AS3MT: variants seen among roughly 807,000 people sequenced by gnomAD.
The protein encoded by AS3MT is arsenite methyltransferase.
In AS3MT, 47 loss-of-function variants were observed where a neutral mutation model predicts 45.3. The ratio of observed to expected loss-of-function variants is 1.04; its 90% CI spans 0.82 to 1.32. The LOEUF (loss-of-function observed/expected upper bound fraction) is 1.32. AS3MT is among the 40% of genes most tolerant of loss of function. The pLI is 0.00. For missense variants in AS3MT, 396 were observed against 451.1 expected, an observed-to-expected ratio of 0.88 and a Z score of 1.11; for synonymous variants, 141 against 152.8, an observed-to-expected ratio of 0.92 and a Z score of 0.57.
chr10:102,873,860 A>G (rs1387385732), intron 5 of AS3MT, among the ~76,000 whole-genome samples: 2 of 152,228 alleles, frequency 1.3e-5, no homozygotes, highest in African/African-American at 4.8e-5. Context: ...GGTAAATTAT[A>G]GGATTCTATT....
At chr10:102,880,532 T>G (rs1046108503) in intron 9 of AS3MT, among the ~76,000 whole-genome samples, 2 of 152,170 alleles carry the variant, frequency 1.3e-5, no homozygotes, top group African/African-American at 4.8e-5. Flanking sequence ...AATTTCAACA[T>G]TAGAATTCTT....
intron 6 of AS3MT, among the ~76,000 whole-genome samples, 160 bp from the exon 7 acceptor site, chr10:102,876,794 A>G (rs1844790914): frequency 6.6e-6 from 1 of 152,208 alleles, no homozygotes. Flanking sequence ...TTGACTATTG[A>G]TTGTAACTAA....
At chr10:102,877,865 G>A (rs1005026087) in intron 7 of AS3MT, among the ~76,000 whole-genome samples, 10 of 146,126 alleles carry the variant, frequency 6.8e-5, no homozygotes, top group African/African-American at 2.5e-4. Flanking sequence ...TGATTCTCCT[G>A]CCTCAGCCTC....
chr10:102,882,782 G>C (rs1844885148), intron 9 of AS3MT, among the ~76,000 whole-genome samples: 1 of 151,816 alleles, frequency 6.6e-6, no homozygotes, highest in African/African-American at 2.4e-5. Context: ...TTAGAGACAG[G>C]GTTTCACCAT....
intron 9 of AS3MT, among the ~76,000 whole-genome samples, chr10:102,884,074 G>T (rs906119289): frequency 1.3e-4 from 19 of 150,688 alleles, no homozygotes; most frequent in African/African-American, 4.6e-4. Context: ...CACCTCTCAG[G>T]TTCAAGCGAT....
chr10:102,895,278 G>C (rs1409912129), intron 10 of AS3MT, among the ~76,000 whole-genome samples: 6 of 151,196 alleles, frequency 4.0e-5, no homozygotes, highest in African/African-American at 1.5e-4. Flanking sequence ...GCTCACTGCA[G>C]CCTCTGCCTC....
chr10:102,872,618 A>C lies in AS3MT; in HGVS notation c.321+20A>C. ...GGCCAGGTGAGGCATGATTTGGAAGACAAGGAGAAAAAGATTCTCAAAAGC... is the reference window on the plus strand; with the variant it reads ...GGCCAGGTGAGGCATGATTTGGAAGCCAAGGAGAAAAAGATTCTCAAAAGC... On this transcript the variant is annotated intron_variant, in intron 4 of 10. Transcript: ENST00000369880. 6.3e-7 allele frequency: 1 copy of C among 1,575,484 alleles called. No homozygotes were observed. Among genetic ancestry groups the C allele is most frequent in the East Asian group, 2.2e-5 (1 of 44,452 alleles).
At chr10:102,882,629 G>A (rs1293433864) in intron 9 of AS3MT, among the ~76,000 whole-genome samples, 1 of 151,830 alleles carries the variant, frequency 6.6e-6, no homozygotes, top group Non-Finnish European at 1.5e-5. Flanking sequence ...TTGCTCTGTT[G>A]CCTAGGCTGG....
chr10:102,877,748 CTTTTTTTTTT>C (rs751685577), intron 7 of AS3MT, among the ~76,000 whole-genome samples: 1 of 105,194 alleles, frequency 9.5e-6, no homozygotes, highest in Non-Finnish European at 1.9e-5. Flanking sequence ...GTGATAACTT[CTTTTTTTTTT>C]TTTTTTTTTT....
chr10:102,896,635 G>A (rs1045258784), intron 10 of AS3MT, among the ~76,000 whole-genome samples: 11 of 151,834 alleles, frequency 7.2e-5, no homozygotes, highest in Non-Finnish European at 1.0e-4. Context: ...GTGAAACCCC[G>A]TCTCTACTAA....
chr10:102,887,277 A>G (rs929732971), intron 9 of AS3MT, among the ~76,000 whole-genome samples: 3 of 152,194 alleles, frequency 2.0e-5, no homozygotes, highest in African/African-American at 7.2e-5. Flanking sequence ...TCCATGTGCT[A>G]TTGAGCAGAA....
intron 5 of AS3MT, among the ~76,000 whole-genome samples, chr10:102,874,363 A>G (rs1844747886): frequency 6.6e-6 from 1 of 152,230 alleles, no homozygotes; most frequent in African/African-American, 2.4e-5. Flanking sequence ...ATCATGCCTG[A>G]TGTTATTTTC....
At position 102,878,321 on chromosome 10, in the gene AS3MT, T is replaced by C. The variant is rs550941141; in HGVS notation, c.611-58T>C. ...TTAATTATATAGAAGAATAGTTCCC[T>C]TAATACTGTATTAAGTGTTGGCTGG... On this transcript the variant is annotated intron_variant, in intron 7 of 10. Transcript: ENST00000369880. The C allele has an allele frequency of 2.6e-4, 422 of 1,593,338 alleles. 2 individuals carry two copies. The Middle Eastern group carries it at 3.5e-3, about 13-fold the overall frequency.
intron 10 of AS3MT, among the ~76,000 whole-genome samples, chr10:102,899,365 T>G (rs976060272): frequency 6.6e-6 from 1 of 152,166 alleles, no homozygotes; most frequent in East Asian, 1.9e-4. Context: ...TGTGAAGTCC[T>G]AGCAGTAGCA....
chr10:102,870,437 G>T (rs557447989), intron 3 of AS3MT, among the ~76,000 whole-genome samples: 8 of 152,304 alleles, frequency 5.3e-5, no homozygotes, highest in African/African-American at 1.9e-4. Flanking sequence ...GGAGGCTGAG[G>T]CAGAGGATCG....
chr10:102,873,442 A>G (rs1725437133), intron 5 of AS3MT, among the ~76,000 whole-genome samples: 2 of 152,118 alleles, frequency 1.3e-5, no homozygotes, highest in Admixed American at 6.5e-5. Context: ...TACCACATCC[A>G]GCTAATTTTT....
chr10:102,872,446 A>C lies in AS3MT; in HGVS notation c.171-2A>C. ...AAAAAATATGTGTTTTCCATTTCCC[A>C]GATATTATGGCTGTGGTCTGGTGAT... On this transcript the variant is annotated splice_acceptor_variant, in intron 3 of 10. Coordinates refer to ENST00000369880, the MANE Select transcript of AS3MT (RefSeq NM_020682.4). LOFTEE classifies it high-confidence loss of function. 1.9e-6 allele frequency: 3 copies of C among 1,613,584 alleles called. No homozygotes were observed. The highest frequency in any genetic ancestry group is 2.5e-6 in the Non-Finnish European group (3 of 1,179,854).
At chr10:102,885,274 G>A (rs534256614) in intron 9 of AS3MT, among the ~76,000 whole-genome samples, 5 of 152,032 alleles carry the variant, frequency 3.3e-5, no homozygotes, top group African/African-American at 1.2e-4. Flanking sequence ...TTAACATAAT[G>A]ACCTGCAGTT....
rs1295063814 is a variant in AS3MT, at chr10:102,888,872, TATATATATA to T, written c.886-1671_886-1663del. ...AACCCTATATATATATATATATATA[TATATATATA>T]TTTTTTTTTTTTTTTTTGAGACGGA... On this transcript the variant is annotated intron_variant, in intron 9 of 10. Transcript: ENST00000369880. Among the ~76,000 whole-genome samples the T allele has an allele frequency of 3.6e-4, 28 of 77,428 alleles. No individual in the cohort carries two copies. In the East Asian group the frequency reaches 4.4e-3, roughly 12 times the overall value. The allele number at this position is 77,428 out of a possible 152,430, so 50.8% of individuals were successfully genotyped here.
Sources: gnomAD v4.1 joint callset for allele counts (sites outside exome capture counted in the v4.1 genomes callset) on GRCh38, gnomAD v4.1.1 for gene constraint, MANE v1.5 for transcripts, NCBI Gene and HGNC (gene_info 2026-07-23, HGNC 2026-07-21) for gene names.